Variants in MAST4 observed in about 807,000 individuals in gnomAD.
MAST4 encodes microtubule associated serine/threonine kinase family member 4.
In MAST4, 89 loss-of-function variants were observed where a neutral mutation model predicts 162.7. The observed-to-expected ratio is 0.55, with a 90% confidence interval of 0.46 to 0.65. The LOEUF (loss-of-function observed/expected upper bound fraction) is 0.65. MAST4 is among the 30% of genes least tolerant of loss of function. The pLI is 0.00. For missense variants in MAST4, 3,153 were observed against 3,374.0 expected (o/e 0.93, Z 1.62); for synonymous variants, 1,479 against 1,361.1 (o/e 1.09, Z -1.91).
At chr5:66,786,687 C>G (rs1012232587) in intron 2 of MAST4, among the ~76,000 whole-genome samples, 1 of 152,158 alleles carries the variant, frequency 6.6e-6, no homozygotes, top group Non-Finnish European at 1.5e-5. Flanking sequence ...ACCGATTTCT[C>G]AAAGCCGTTC....
intron 3 of MAST4, among the ~76,000 whole-genome samples, chr5:66,859,505 T>C (rs1196798989): frequency 6.6e-6 from 1 of 152,178 alleles, no homozygotes; most frequent in Non-Finnish European, 1.5e-5. Context: ...TTAAACCTGT[T>C]ACCTTTCCCA....
rs181454788 is a variant in MAST4 at position 67,040,904 on chromosome 5, C to G, written c.675-13500C>G. On this transcript the variant is annotated intron_variant, in intron 4 of 28. Transcript: ENST00000403625. The stretch of plus-strand genomic sequence containing the variant: ...TGCCTGGGTTTAGATCCCGGTTCTC[C>G]CACTTACTAGTTCTGTGATCTTGGA... Among the ~76,000 whole-genome samples the G allele has an allele frequency of 3.9e-5, 6 of 152,278 alleles. No individual in the cohort carries two copies. In the East Asian group the frequency reaches 1.2e-3, roughly 29 times the overall value.
At chr5:66,868,199 C>T (rs1225658501) in intron 3 of MAST4, among the ~76,000 whole-genome samples, 1 of 151,974 alleles carries the variant, frequency 6.6e-6, no homozygotes, top group Non-Finnish European at 1.5e-5. Context: ...AGAGTTTGTA[C>T]CTTTCTTGGA....
intron 3 of MAST4, among the ~76,000 whole-genome samples, chr5:66,876,101 C>G (rs185585545): frequency 6.6e-6 from 1 of 152,172 alleles, no homozygotes; most frequent in African/African-American, 2.4e-5. Flanking sequence ...AAATGCTTAT[C>G]GTACACTCAG....
chr5:66,904,809 A>G (rs1034586048), intron 4 of MAST4, among the ~76,000 whole-genome samples: 3 of 152,118 alleles, frequency 2.0e-5, no homozygotes, highest in African/African-American at 4.8e-5. Context: ...ACGTGTGTAG[A>G]TTTGCTACAG....
intron 4 of MAST4, chr5:66,958,966 A>T (rs1448027663): frequency 2.5e-6 from 1 of 403,566 alleles, no homozygotes; most frequent in Non-Finnish European, 4.5e-6. Flanking sequence ...TTAAAAAAAA[A>T]AAAAAAAATC....
Position 66,718,305 on chromosome 5 carries a change from G to A in MAST4, c.364-41404G>A, listed in dbSNP as rs557724042. ...AAGCACCTTTTACAGCTTGTCTTTC[G>A]GTATAAATGATTAAGTTATGATGTC... is the stretch of plus-strand genomic sequence containing the variant. On this transcript the variant is annotated intron_variant, in intron 1 of 28. Transcript: ENST00000403625. Among the ~76,000 whole-genome samples the A allele has an allele frequency of 4.7e-5, 7 of 150,438 alleles. No individual in the cohort carries two copies. The East Asian group carries it at 5.9e-4, about 13-fold the overall frequency.
At chr5:67,134,392 G>T in intron 17 of MAST4, 131 bp from the exon 18 acceptor site, 2 of 608,412 alleles carry the variant, frequency 3.3e-6, no homozygotes, top group Non-Finnish European at 5.4e-6. Flanking sequence ...GTGCTCTTAA[G>T]TTCTTTGTCC....
At chr5:66,792,360 C>T (rs1001592259) in intron 3 of MAST4, 2 of 167,738 alleles carry the variant, frequency 1.2e-5, no homozygotes, top group African/African-American at 4.8e-5. Context: ...TCATGGCACA[C>T]CTTCGTTTTT....
Position 67,165,832 on chromosome 5 carries a change from G to T in MAST4, c.6653G>T (p.Ser2218Ile). Residue 2218 changes from serine (S) to isoleucine (I), a missense_variant, in exon 29 of 29, where the codon AGT (serine) becomes ATT (isoleucine). This residue lies in a region of MAST4 where 1,644 missense variants were observed against 1,495.0 expected (regional missense o/e 1.10). Coordinates refer to ENST00000403625, the MANE Select transcript of MAST4 (RefSeq NM_001164664.2). Reference sequence around the variant, plus strand: ...CGGTCCCTCTCCTCTCAGAAACCAAGTGTCGGGGCCACAAAGGGCAAAGAG... The same window carrying T: ...CGGTCCCTCTCCTCTCAGAAACCAATTGTCGGGGCCACAAAGGGCAAAGAG... ...PDRSLSSQKPSVGATKGKEPA... is the reference protein window; with the variant it reads ...PDRSLSSQKPIVGATKGKEPA... The T allele has an allele frequency of 6.2e-7, 1 of 1,613,010 alleles. No individual in the cohort carries two copies. The highest frequency in any genetic ancestry group is 8.5e-7 in the Non-Finnish European group (1 of 1,179,838).
intron 1 of MAST4, among the ~76,000 whole-genome samples, chr5:66,698,397 T>A (rs1326149892): frequency 6.8e-6 from 1 of 146,624 alleles, no homozygotes; most frequent in East Asian, 2.2e-4. Context: ...CCCTCCCTTC[T>A]TAGGCTACTG....
chr5:67,071,195 C>A (rs1201626818), intron 5 of MAST4, among the ~76,000 whole-genome samples: 1 of 152,090 alleles, frequency 6.6e-6, no homozygotes, highest in African/African-American at 2.4e-5. Flanking sequence ...AGTCTTGTGG[C>A]TTTTAAATTT....
chr5:66,662,242 C>G (rs1746962108), intron 1 of MAST4: 1 of 152,084 alleles, frequency 6.6e-6, no homozygotes, highest in Non-Finnish European at 1.5e-5. Context: ...ACACACAACA[C>G]TCTTTGGACT....
intron 2 of MAST4, among the ~76,000 whole-genome samples, chr5:66,785,820 A>G (rs1467442145): frequency 1.3e-5 from 2 of 152,184 alleles, no homozygotes; most frequent in Non-Finnish European, 2.9e-5. Flanking sequence ...TCCTCACATC[A>G]GGAGAATTAT....
intron 3 of MAST4, among the ~76,000 whole-genome samples, chr5:66,829,327 G>A (rs2149752658): frequency 6.6e-6 from 1 of 152,162 alleles, no homozygotes; most frequent in East Asian, 1.9e-4. Flanking sequence ...TGCAGCTGCT[G>A]GGAATTTTCC....
chr5:67,098,557 T>C (rs2150838510), intron 7 of MAST4, among the ~76,000 whole-genome samples: 1 of 152,272 alleles, frequency 6.6e-6, no homozygotes, highest in Non-Finnish European at 1.5e-5. Context: ...TATGATTTAA[T>C]AAAAAGTAGA....
intron 4 of MAST4, among the ~76,000 whole-genome samples, chr5:66,940,190 CA>C (rs1377466580): frequency 1.3e-5 from 2 of 152,114 alleles, no homozygotes; most frequent in African/African-American, 4.8e-5. Context: ...TTCAGCAAGT[CA>C]TAATCTTTTT....
At position 66,920,323 on chromosome 5, in the gene MAST4, T is replaced by C. The variant is rs114951601; in HGVS notation, c.674+20341T>C. 6.9e-3 allele frequency among the ~76,000 whole-genome samples: 1,057 copies of C among 152,246 alleles called. 13 individuals are homozygous for C. The highest frequency in any genetic ancestry group is 0.024 in the African/African-American group (1,007 of 41,548). On this transcript the variant is annotated intron_variant, in intron 4 of 28. Coordinates refer to ENST00000403625, the MANE Select transcript of MAST4 (RefSeq NM_001164664.2). Reference sequence around the variant, plus strand: ...TTGACAGAGTTGATAAAGATAAATATAAAAAATTAGAGTATATTTTAAATA... The same window carrying C: ...TTGACAGAGTTGATAAAGATAAATACAAAAAATTAGAGTATATTTTAAATA...
intron 2 of MAST4, among the ~76,000 whole-genome samples, chr5:66,778,962 G>C (rs1754726890): frequency 6.6e-6 from 1 of 152,172 alleles, no homozygotes; most frequent in African/African-American, 2.4e-5. Context: ...TACTTAGTCT[G>C]TCTGGGCCCA....
Sources: gnomAD v4.1 joint callset for allele counts (sites outside exome capture counted in the v4.1 genomes callset) on GRCh38, gnomAD v4.1.1 for gene constraint, gnomAD v4.1.1 regional missense constraint, MANE v1.5 for transcripts, NCBI Gene and HGNC (gene_info 2026-07-23, HGNC 2026-07-21) for gene names.